The following SVOPL variants were observed in gnomAD, a reference collection of about 807,000 sequenced individuals.
The protein encoded by SVOPL is SVOP like.
A neutral mutation model predicts 61.0 loss-of-function variants in SVOPL; 60 were observed. That is an observed-to-expected ratio of 0.98 (90% CI 0.80 to 1.22). The LOEUF (loss-of-function observed/expected upper bound fraction) is 1.22, where lower values mean the gene tolerates loss of function less well. SVOPL is among the 50% of genes most tolerant of loss of function. SVOPL has a pLI of 0.00. For missense variants in SVOPL, 662 were observed against 643.9 expected (o/e 1.03, Z -0.30); for synonymous variants, 279 against 250.0 (o/e 1.12, Z -1.09).
At chr7:138,691,246 T>C (rs1802932978) in intron 1 of SVOPL, among the ~76,000 whole-genome samples, 1 of 152,188 alleles carries the variant, frequency 6.6e-6, no homozygotes, top group African/African-American at 2.4e-5. Context: ...CGATTCAGTT[T>C]GATGGAAAAA....
chr7:138,692,068 T>C (rs900557462), intron 1 of SVOPL, among the ~76,000 whole-genome samples: 18 of 151,088 alleles, frequency 1.2e-4, no homozygotes, highest in Non-Finnish European at 2.9e-5. Context: ...ATCAGCACTT[T>C]GGGAGGCCGA....
rs34569437 is a variant in SVOPL at position 138,683,378 on chromosome 7, G to GT, written c.-34-4300dup. On this transcript the variant is annotated intron_variant, in intron 1 of 15. Transcript: ENST00000674285. Reference sequence around the variant, plus strand: ...AAAAATGAGGTTCTGAGATTCTGGGGTTTTTTTGAGATGGAGTTTTGCTCT... The same window carrying GT: ...AAAAATGAGGTTCTGAGATTCTGGGGTTTTTTTTGAGATGGAGTTTTGCTCT... 9.9e-3 allele frequency among the ~76,000 whole-genome samples: 1,510 copies of GT among 151,888 alleles called. 26 individuals carry two copies. Among genetic ancestry groups the GT allele is most frequent in the African/African-American group, 0.035 (1,447 of 41,434 alleles).
intron 9 of SVOPL, among the ~76,000 whole-genome samples, chr7:138,643,194 A>G (rs1800917780): frequency 6.6e-6 from 1 of 152,112 alleles, no homozygotes; most frequent in South Asian, 2.1e-4. Flanking sequence ...TGGGAGGCCG[A>G]GGAGGGCGGA....
At chr7:138,613,365 C>G (rs1328811707) in intron 14 of SVOPL, among the ~76,000 whole-genome samples, 4 of 152,092 alleles carry the variant, frequency 2.6e-5, no homozygotes, top group African/African-American at 9.7e-5. Context: ...CCCTCACCTG[C>G]TTAAAACCCT....
chr7:138,662,995 A>T, intron 5 of SVOPL, 79 bp downstream of exon 5: 1 of 1,601,270 alleles, frequency 6.2e-7, no homozygotes, highest in East Asian at 2.2e-5. Flanking sequence ...GATGCCTACT[A>T]AAGAGAAACA....
chr7:138,621,802 GTATCTATCTATGTATC>G (rs1799576704), intron 13 of SVOPL, among the ~76,000 whole-genome samples: 2 of 121,794 alleles, frequency 1.6e-5, no homozygotes, highest in African/African-American at 3.5e-5. Flanking sequence ...ATCTATCTAT[GTATCTATCTATGTATC>G]TATGTATCTA....
chr7:138,647,522 C>G (rs1310089675), intron 8 of SVOPL, among the ~76,000 whole-genome samples: 1 of 151,812 alleles, frequency 6.6e-6, no homozygotes, highest in Non-Finnish European at 1.5e-5. Flanking sequence ...CTAGGGGTGC[C>G]TGGAGATGGG....
chr7:138,621,908 ATCTATC>A, intron 13 of SVOPL, among the ~76,000 whole-genome samples: 1 of 116,746 alleles, frequency 8.6e-6, no homozygotes, highest in African/African-American at 3.1e-5. Context: ...CTATCTATGT[ATCTATC>A]TATGTATCTA....
intron 14 of SVOPL, among the ~76,000 whole-genome samples, chr7:138,598,166 C>T (rs959573936): frequency 2.6e-5 from 4 of 151,938 alleles, no homozygotes; most frequent in Non-Finnish European, 5.9e-5. Flanking sequence ...GAGACCACTC[C>T]AGATTTACTG....
At chr7:138,629,237 A>T (rs1476016164) in intron 10 of SVOPL, among the ~76,000 whole-genome samples, 1 of 140,136 alleles carries the variant, frequency 7.1e-6, no homozygotes, top group African/African-American at 2.7e-5. Flanking sequence ...GCTCTTCATG[A>T]TTTTTTTTTT....
chr7:138,609,398 G>A (rs1055864420), intron 14 of SVOPL, among the ~76,000 whole-genome samples: 1 of 149,576 alleles, frequency 6.7e-6, no homozygotes, highest in African/African-American at 2.5e-5. Flanking sequence ...TGTAATCCCA[G>A]CACTTTAGGA....
At chr7:138,622,274 C>CTATCTATCTATCTATGTATG (rs1563096832) in intron 13 of SVOPL, among the ~76,000 whole-genome samples, 2 of 103,648 alleles carry the variant, frequency 1.9e-5, no homozygotes, top group Non-Finnish European at 4.0e-5. Flanking sequence ...ATCTATGTAT[C>CTATCTATCTATCTATGTATG]TATCTATCTA....
intron 7 of SVOPL, among the ~76,000 whole-genome samples, chr7:138,652,074 T>G (rs185509695): frequency 0.012 from 1,764 of 150,480 alleles, 21 homozygotes; most frequent in South Asian, 0.059. Flanking sequence ...CAATTTTTTT[T>G]TCCCCCTCGC....
intron 13 of SVOPL, 140 bp downstream of exon 13, chr7:138,625,829 C>T: frequency 1.3e-6 from 1 of 761,680 alleles, no homozygotes; most frequent in South Asian, 2.2e-5. Flanking sequence ...ATCAAATAAA[C>T]TTCTGGTGTC....
chr7:138,622,218 CTATGTATCTATCTATG>C (rs1799680060), intron 13 of SVOPL, among the ~76,000 whole-genome samples: 3 of 30,872 alleles, frequency 9.7e-5, no homozygotes, highest in Admixed American at 4.0e-4. Flanking sequence ...ATCTATCTAT[CTATGTATCTATCTATG>C]TATCTATCTA....
chr7:138,649,853 A>G (rs1801331809), intron 7 of SVOPL, among the ~76,000 whole-genome samples: 1 of 152,142 alleles, frequency 6.6e-6, no homozygotes, highest in Admixed American at 6.5e-5. Flanking sequence ...TGTTTTTGAG[A>G]CAGAGTCTTG....
chr7:138,688,694 G>A (rs1802874278), intron 1 of SVOPL, among the ~76,000 whole-genome samples: 1 of 152,128 alleles, frequency 6.6e-6, no homozygotes, highest in Non-Finnish European at 1.5e-5. Flanking sequence ...TTGCTGGTGG[G>A]AATTTAGAAT....
intron 1 of SVOPL, chr7:138,689,574 A>C: frequency 2.1e-6 from 1 of 480,968 alleles, no homozygotes; most frequent in Non-Finnish European, 3.7e-6. Flanking sequence ...GAAAAAAAAA[A>C]AAGGGCCAGA....
In SVOPL at chr7:138,620,119, G is replaced by T. The variant is rs9718992; in HGVS notation, c.1353+927C>A. Among the ~76,000 whole-genome samples, 54 of 114,456 alleles carry T rather than the reference G, an allele frequency of 4.7e-4. 1 individual carries two copies. Among genetic ancestry groups the T allele is most frequent in the South Asian group, 6.0e-4 (2 of 3,338 alleles). 75.1% of individuals were successfully genotyped at this position (114,456 alleles called of 152,430 possible). On this transcript the variant is annotated intron_variant, in intron 14 of 15. Coordinates refer to ENST00000674285, the MANE Select transcript of SVOPL (RefSeq NM_001139456.2). ...TTTTTTTCTTTTTTGTTTTTTTTCT[G>T]TTTTGTTTTTTTTTTTTTTTTGAGA...
Sources: gnomAD v4.1 joint callset for allele counts (sites outside exome capture counted in the v4.1 genomes callset) on GRCh38, gnomAD v4.1.1 for gene constraint, MANE v1.5 for transcripts, NCBI Gene and HGNC (gene_info 2026-07-23, HGNC 2026-07-21) for gene names.